The following AP3B2 variants were observed in gnomAD, a reference collection of about 807,000 sequenced individuals.
AP3B2 encodes adaptor related protein complex 3 subunit beta 2.
A neutral mutation model predicts 126.9 loss-of-function variants in AP3B2; 50 were observed. The ratio of observed to expected loss-of-function variants is 0.39; its 90% confidence interval spans 0.31 to 0.50. The LOEUF (loss-of-function observed/expected upper bound fraction) is 0.50. AP3B2 is among the 20% of genes least tolerant of loss of function. AP3B2 has a pLI of 0.79. For synonymous variants in AP3B2, 541 were observed against 565.0 expected (o/e 0.96, Z 0.60); for missense variants, 1,177 against 1,426.4 (o/e 0.83, Z 2.82).
In AP3B2 at chr15:82,677,320, T is replaced by G. The variant is rs1485841545; in HGVS notation, c.1442A>C (p.His481Pro). Residue 481 changes from histidine (H) to proline (P), a missense_variant, in exon 13 of 27, where the codon CAT (histidine) becomes CCT (proline). By Grantham distance (77) the His-to-Pro change is moderately conservative. This residue lies in a region of AP3B2 where 308 missense variants were observed against 452.4 expected (regional missense o/e 0.68). Coordinates refer to ENST00000535359, the MANE Select transcript of AP3B2 (RefSeq NM_001278512.2). ...TGCCAAGTGTTTGATGATCTCTCCA[T>G]GTTGTGCTGGCTGCATCTGTAGCAA... ...KKLLQMQPAQ[H>P]GEIIKHLAKL... The G allele has an allele frequency of 6.2e-7, 1 of 1,613,864 alleles. No homozygotes were observed. Among genetic ancestry groups the G allele is most frequent in the African/African-American group, 1.3e-5 (1 of 74,926 alleles).
At chr15:82,670,003 CAAA>C (rs964942203) in intron 14 of AP3B2, among the ~76,000 whole-genome samples, 1 of 11,132 alleles carries the variant, frequency 9.0e-5, no homozygotes, top group Non-Finnish European at 1.6e-4. Context: ...AACTCCATCT[CAAA>C]AAAAAAAAAA....
intron 4 of AP3B2, chr15:82,687,188 C>G (rs965803748): frequency 6.6e-6 from 1 of 152,190 alleles, no homozygotes; most frequent in Non-Finnish European, 1.5e-5. Flanking sequence ...AGAGCAAAGG[C>G]TGGCATGCTA....
rs1190998552 is a variant in AP3B2 at position 82,664,476 on chromosome 15, T to C, written c.2152A>G (p.Ser718Gly). The C allele has an allele frequency of 1.9e-6, 3 of 1,613,448 alleles. No individual in the cohort carries two copies. Among genetic ancestry groups the C allele is most frequent in the Non-Finnish European group, 2.5e-6 (3 of 1,179,754 alleles). The change falls in exon 19 of 27, where the codon AGT becomes GGT. Residue 718 changes from serine (S) to glycine (G), a missense_variant. By Grantham distance (56) the Ser-to-Gly change is moderately conservative. This residue lies in a region of AP3B2 where 587 missense variants were observed against 571.3 expected (regional missense o/e 1.03). Transcript: ENST00000535359. This position sits in a 1 kb window ranked among gnomAD's most constrained non-coding sequence, Gnocchi z 4.5. ...ESADSDPESE[S>G]ESDSKSSSES... is the part of the protein sequence containing the mutation. Reference sequence around the variant, plus strand: ...CTGCTGCTCTTACTGTCCGATTCACTCTCAGACTCAGGGTCTGTGGAGGAA... The same window carrying C: ...CTGCTGCTCTTACTGTCCGATTCACCCTCAGACTCAGGGTCTGTGGAGGAA...
chr15:82,706,561 C>A (rs1334683527), intron 1 of AP3B2, among the ~76,000 whole-genome samples: 1 of 152,196 alleles, frequency 6.6e-6, no homozygotes, highest in African/African-American at 2.4e-5. Context: ...AAAAAAGCAG[C>A]TAGCATTCCA....
chr15:82,697,220 G>A (rs914317932), intron 1 of AP3B2, among the ~76,000 whole-genome samples: 1 of 152,148 alleles, frequency 6.6e-6, no homozygotes, highest in Non-Finnish European at 1.5e-5. Context: ...TGTAGTCCTA[G>A]CTACTCAGTA....
Position 82,697,106 on chromosome 15 carries a change from C to A in AP3B2, c.114-7653G>T, listed in dbSNP as rs1038063042. On this transcript the variant is annotated intron_variant, in intron 1 of 26. Coordinates refer to ENST00000535359, the MANE Select transcript of AP3B2 (RefSeq NM_001278512.2). ...CAGCACTTTGGGAGGCCAAGGCAGGCGGATCACAAGGCCAGGAGATCGAGA... is the reference window on the plus strand; with the variant it reads ...CAGCACTTTGGGAGGCCAAGGCAGGAGGATCACAAGGCCAGGAGATCGAGA... Among the ~76,000 whole-genome samples the A allele has an allele frequency of 2.6e-5, 4 of 152,188 alleles. No homozygotes were observed. The East Asian group carries it at 7.7e-4, about 29-fold the overall frequency.
At chr15:82,669,361 A>G (rs760320232) in intron 14 of AP3B2, among the ~76,000 whole-genome samples, 18 of 152,254 alleles carry the variant, frequency 1.2e-4, no homozygotes, top group Non-Finnish European at 2.2e-4. Context: ...TAGAACTAAT[A>G]AATTCAGTAA....
At position 82,663,240 on chromosome 15, in the gene AP3B2, G is replaced by A. The variant is rs1321264404; in HGVS notation, c.2498-7C>T. The A allele has an allele frequency of 6.2e-7, 1 of 1,606,252 alleles. No homozygotes were observed. The highest frequency in any genetic ancestry group is 2.2e-5 in the East Asian group (1 of 44,766). On this transcript the variant is annotated splice_region_variant and splice_polypyrimidine_tract_variant and intron_variant, in intron 21 of 26. Transcript: ENST00000535359. Reference sequence around the variant, plus strand: ...TGGACACTGGGAGGGGTGACTGTGGGAGTAGATAAGACTATGAGGAGGCAA... The same window carrying A: ...TGGACACTGGGAGGGGTGACTGTGGAAGTAGATAAGACTATGAGGAGGCAA...
At chr15:82,709,111 C>T (rs1239175912) in intron 1 of AP3B2, among the ~76,000 whole-genome samples, 1 of 151,962 alleles carries the variant, frequency 6.6e-6, no homozygotes, top group Non-Finnish European at 1.5e-5. Flanking sequence ...AGATGGGGAC[C>T]AGAGGGAGGG....
intron 1 of AP3B2, among the ~76,000 whole-genome samples, chr15:82,695,707 G>C (rs1321142544): frequency 1.3e-5 from 2 of 152,066 alleles, no homozygotes; most frequent in Non-Finnish European, 2.9e-5. Context: ...CCTGAGTTCT[G>C]TGAGCCACTC....
Position 82,665,184 on chromosome 15 carries a change from C to G in AP3B2, c.2028+63G>C. ...TGGGAAGGCCCAGGAGCACAACACACAGGGGAAGAAGAGGGACACAGACAG... is the reference window on the plus strand; with the variant it reads ...TGGGAAGGCCCAGGAGCACAACACAGAGGGGAAGAAGAGGGACACAGACAG... On this transcript the variant is annotated intron_variant, in intron 17 of 26. Transcript: ENST00000535359. The surrounding 1 kb of genome is among the most constrained non-coding windows in gnomAD (Gnocchi z 4.4). 1.3e-6 allele frequency: 2 copies of G among 1,501,586 alleles called. No homozygotes were observed. The highest frequency in any genetic ancestry group is 1.8e-6 in the Non-Finnish European group (2 of 1,115,972). The allele number at this position is 1,501,586 out of a possible 1,614,324, so 93.0% of individuals were successfully genotyped here.
In AP3B2 at chr15:82,680,015, C is replaced by T. The variant is rs1190690117; in HGVS notation, c.1110+160G>A. On this transcript the variant is annotated intron_variant, in intron 9 of 26. Coordinates refer to ENST00000535359, the MANE Select transcript of AP3B2 (RefSeq NM_001278512.2). This position sits in a 1 kb window ranked among gnomAD's most constrained non-coding sequence, Gnocchi z 6.1. ...GGCCCCTCAGGATCCAGGCCCTGCT[C>T]CCTATCTGTATTTGGAGCCTCCCCT... Among the ~76,000 whole-genome samples, 1 of 152,174 alleles carries T rather than the reference C, an allele frequency of 6.6e-6. No homozygotes were observed.
At chr15:82,671,163 G>A (rs756888754) in intron 14 of AP3B2, among the ~76,000 whole-genome samples, 19 of 152,080 alleles carry the variant, frequency 1.2e-4, no homozygotes, top group African/African-American at 4.6e-4. Context: ...CACGCCTGTA[G>A]TCCCAGCTAC....
intron 1 of AP3B2, among the ~76,000 whole-genome samples, chr15:82,700,274 A>G (rs1296832041): frequency 6.6e-6 from 1 of 151,078 alleles, no homozygotes; most frequent in Non-Finnish European, 1.5e-5. Flanking sequence ...ACCTTCTCTT[A>G]TCTCTACTTC....
At position 82,674,016 on chromosome 15, in the gene AP3B2, C is replaced by T. The variant is rs368795354; in HGVS notation, c.1665+2445G>A. ...TTTGATTACCAACCCCCCCATCCCC[C>T]GCCACCTGCATGTTATGCCTTTGTG... is the stretch of plus-strand genomic sequence containing the variant. On this transcript the variant is annotated intron_variant, in intron 14 of 26. Transcript: ENST00000535359. Among the ~76,000 whole-genome samples the T allele has an allele frequency of 2.0e-4, 31 of 152,274 alleles. 2 individuals carry two copies. The South Asian group carries it at 3.7e-3, about 18-fold the overall frequency.
intron 1 of AP3B2, among the ~76,000 whole-genome samples, chr15:82,702,936 T>G (rs1354448611): frequency 6.6e-6 from 1 of 152,170 alleles, no homozygotes; most frequent in Non-Finnish European, 1.5e-5. Flanking sequence ...AAGCGGCCTC[T>G]TTTTACTCTC....
chr15:82,697,601 C>T (rs530985972), intron 1 of AP3B2, among the ~76,000 whole-genome samples: 33 of 152,318 alleles, frequency 2.2e-4, no homozygotes, highest in Non-Finnish European at 3.7e-4. Flanking sequence ...AGAAGAGGGG[C>T]ACTAAGAAGT....
Position 82,681,732 on chromosome 15 carries a change from A to T in AP3B2, c.361-152T>A. On this transcript the variant is annotated intron_variant, in intron 4 of 26. Transcript: ENST00000535359. This position sits in a 1 kb window ranked among gnomAD's most constrained non-coding sequence, Gnocchi z 4.0. ...CCTGGATGGTGTGCCAGTGATGGGT[A>T]TCTGGGGGACACTTAATTTTGGCTC... 1 of 819,594 alleles carries T rather than the reference A, an allele frequency of 1.2e-6. No homozygotes were observed. Among genetic ancestry groups the T allele is most frequent in the Non-Finnish European group, 1.9e-6 (1 of 536,942 alleles). 50.8% of individuals were successfully genotyped at this position (819,594 alleles called of 1,614,324 possible).
At position 82,681,629 on chromosome 15, in the gene AP3B2, G is replaced by A. The variant is rs1355835525; in HGVS notation, c.361-49C>T. ...GCTATGAAAGGGCACCAGGTGCCCT[G>A]ATGGGGGGAGGCCACACCTTTGGAA... On this transcript the variant is annotated intron_variant, in intron 4 of 26. Coordinates refer to ENST00000535359, the MANE Select transcript of AP3B2 (RefSeq NM_001278512.2). The surrounding 1 kb of genome is among the most constrained non-coding windows in gnomAD (Gnocchi z 4.0). 1 of 1,580,724 alleles carries A rather than the reference G, an allele frequency of 6.3e-7. No individual in the cohort carries two copies. Among genetic ancestry groups the A allele is most frequent in the Non-Finnish European group, 8.6e-7 (1 of 1,162,476 alleles).
Sources: gnomAD v4.1 joint callset for allele counts (sites outside exome capture counted in the v4.1 genomes callset) on GRCh38, gnomAD v4.1.1 for gene constraint, gnomAD v4.1.1 regional missense constraint, Gnocchi (gnomAD v3.1) non-coding constraint, MANE v1.5 for transcripts, NCBI Gene and HGNC (gene_info 2026-07-23, HGNC 2026-07-21) for gene names.